RNLS: variants seen among roughly 807,000 people sequenced by gnomAD.
RNLS encodes the protein renalase.
In RNLS, 39 loss-of-function variants were observed where a neutral mutation model predicts 39.8. The observed-to-expected ratio is 0.98, with a 90% CI of 0.76 to 1.28. The LOEUF (loss-of-function observed/expected upper bound fraction) is 1.28, where lower values mean the gene tolerates loss of function less well. Ranked by LOEUF, RNLS falls within the 50% of genes most tolerant of loss-of-function variation. The pLI, the probability that RNLS is intolerant of heterozygous loss-of-function variation, is 0.00. For missense variants in RNLS, 410 were observed against 413.3 expected, an observed-to-expected ratio of 0.99 and a Z score of 0.07; for synonymous variants, 147 against 150.7, an observed-to-expected ratio of 0.98 and a Z score of 0.18.
chr10:88,348,478 A>G (rs1848460972), intron 5 of RNLS, among the ~76,000 whole-genome samples: 1 of 152,186 alleles, frequency 6.6e-6, no homozygotes, highest in Admixed American at 6.6e-5. Flanking sequence ...CAAGGCAGGC[A>G]GAACATGAGG....
chr10:88,213,261 G>GTAC, the RNLS span, among the ~76,000 whole-genome samples: 1 of 152,080 alleles, frequency 6.6e-6, no homozygotes, highest in Non-Finnish European at 1.5e-5. Context: ...AACAAACGAT[G>GTAC]TACTGTCTGA....
chr10:88,480,891 C>T (rs944744309), intron 4 of RNLS, among the ~76,000 whole-genome samples: 16 of 151,816 alleles, frequency 1.1e-4, no homozygotes, highest in Non-Finnish European at 1.8e-4. Context: ...TGACTAGTGA[C>T]AACCAAATAT....
At chr10:88,465,009 A>C (rs970335371) in intron 4 of RNLS, among the ~76,000 whole-genome samples, 1 of 152,128 alleles carries the variant, frequency 6.6e-6, no homozygotes, top group African/African-American at 2.4e-5. Context: ...GCAAGTAGCT[A>C]GTTTCTTTAT....
chr10:88,504,797 T>C (rs1845693872), intron 4 of RNLS, among the ~76,000 whole-genome samples: 1 of 151,970 alleles, frequency 6.6e-6, no homozygotes, highest in African/African-American at 2.4e-5. Context: ...GCTGTAATTC[T>C]GAATCTATTT....
At chr10:88,188,107 A>T in the RNLS span, among the ~76,000 whole-genome samples, 101 of 152,190 alleles carry the variant, frequency 6.6e-4, 1 homozygote, top group African/African-American at 2.1e-3. Context: ...ACCAGGCTGG[A>T]CTGCAGTGGT....
intron 4 of RNLS, among the ~76,000 whole-genome samples, chr10:88,515,413 T>C (rs1020339909): frequency 1.1e-4 from 16 of 152,098 alleles, no homozygotes; most frequent in African/African-American, 3.9e-4. Context: ...CTCTTGTATA[T>C]GTTGCTTCTT....
chr10:88,356,246 C>T (rs1849172798), intron 5 of RNLS, among the ~76,000 whole-genome samples: 1 of 152,142 alleles, frequency 6.6e-6, no homozygotes, highest in Non-Finnish European at 1.5e-5. Context: ...TCCAACAAGC[C>T]CCAGTGAGAT....
the RNLS span, among the ~76,000 whole-genome samples, chr10:88,186,590 G>A: frequency 1.3e-5 from 2 of 152,166 alleles, no homozygotes; most frequent in East Asian, 3.8e-4. Flanking sequence ...ATACACATGA[G>A]TTCACACTGC....
chr10:88,259,898 C>T, the RNLS span, among the ~76,000 whole-genome samples: 11 of 152,066 alleles, frequency 7.2e-5, no homozygotes, highest in Admixed American at 2.0e-4. Context: ...AGCGCCACCA[C>T]GCCCAGCTAA....
chr10:88,198,212 C>T, the RNLS span, among the ~76,000 whole-genome samples: 9 of 152,274 alleles, frequency 5.9e-5, no homozygotes, highest in Admixed American at 2.6e-4. Context: ...AGCTTTCAGG[C>T]CTGGGCAGAA....
In RNLS at chr10:88,284,762, TGAAG is replaced by T. The variant is rs1843155321; in HGVS notation, c.*588_*591del. The T allele has an allele frequency of 1.0e-6, 1 of 985,274 alleles. No homozygotes were observed. The highest frequency in any genetic ancestry group is 6.2e-5 in the Admixed American group (1 of 16,244). 61.0% of individuals were successfully genotyped at this position (985,274 alleles called of 1,614,324 possible). On this transcript the variant is annotated 3_prime_UTR_variant, in exon 7 of 7. Transcript: ENST00000331772. The stretch of plus-strand genomic sequence containing the variant: ...TGGAATCTTATACTTTCTGAAAATC[TGAAG>T]GAAGGTCTCTTTATCAGTCAAGTTG...
chr10:88,307,385 C>T (rs1278914616), intron 6 of RNLS, among the ~76,000 whole-genome samples: 1 of 152,134 alleles, frequency 6.6e-6, no homozygotes, highest in Non-Finnish European at 1.5e-5. Context: ...GTTGAACTAC[C>T]CTGTTTGTAG....
chr10:88,469,842 T>C (rs984187675), intron 4 of RNLS, among the ~76,000 whole-genome samples: 80 of 151,604 alleles, frequency 5.3e-4, no homozygotes, highest in African/African-American at 1.9e-3. Context: ...TGTGTGTGTG[T>C]GTGTGTGTGT....
At chr10:88,559,897 A>G (rs1016315047) in intron 4 of RNLS, among the ~76,000 whole-genome samples, 2 of 152,068 alleles carry the variant, frequency 1.3e-5, no homozygotes, top group Admixed American at 6.6e-5. Flanking sequence ...ATGTAATGGG[A>G]AAAATGGCCT....
intron 4 of RNLS, among the ~76,000 whole-genome samples, chr10:88,483,420 CTTTT>C (rs1844319751): frequency 6.6e-6 from 1 of 152,144 alleles, no homozygotes. Context: ...CAAAATTTCT[CTTTT>C]TTATTTCCTT....
chr10:88,574,096 G>A (rs1404643406), intron 3 of RNLS, among the ~76,000 whole-genome samples: 2 of 152,038 alleles, frequency 1.3e-5, no homozygotes, highest in Non-Finnish European at 2.9e-5. Context: ...AGCTGAAATC[G>A]CACCACTACC....
At chr10:88,549,859 C>T (rs960538915) in intron 4 of RNLS, among the ~76,000 whole-genome samples, 3 of 152,180 alleles carry the variant, frequency 2.0e-5, no homozygotes, top group Non-Finnish European at 2.9e-5. Context: ...TTTTTTAAAA[C>T]TTCTCCATGT....
the RNLS span, among the ~76,000 whole-genome samples, chr10:88,181,174 G>A: frequency 6.6e-6 from 1 of 152,200 alleles, no homozygotes; most frequent in Admixed American, 6.5e-5. Flanking sequence ...GGAGGCAGAA[G>A]CACAGATCAG....
chr10:88,245,761 C>G, the RNLS span, among the ~76,000 whole-genome samples: 1 of 152,062 alleles, frequency 6.6e-6, no homozygotes, highest in Non-Finnish European at 1.5e-5. Flanking sequence ...TTTCTTCTAT[C>G]ATATATGCCA....
Sources: gnomAD v4.1 joint callset for allele counts (sites outside exome capture counted in the v4.1 genomes callset) on GRCh38, gnomAD v4.1.1 for gene constraint, MANE v1.5 for transcripts, NCBI Gene and HGNC (gene_info 2026-07-23, HGNC 2026-07-21) for gene names.